The following STX19 variants were observed in gnomAD, a reference collection of about 807,000 sequenced individuals.
STX19 encodes the protein syntaxin 19, also known as syntaxin-19.
Under a neutral mutation model 24.3 loss-of-function variants are expected in STX19, and 26 were observed. The observed-to-expected ratio is 1.07, with a 90% CI of 0.78 to 1.48. STX19 has a LOEUF of 1.48. Among genes scored for constraint, STX19 ranks in the 40% most tolerant of loss-of-function variants. The pLI, the probability that STX19 is intolerant of heterozygous loss-of-function variation, is 0.00. For synonymous variants in STX19, 116 were observed against 106.9 expected (o/e 1.09, Z -0.52); for missense variants, 367 against 331.9 (o/e 1.11, Z -0.82).
At chr3:94,016,893 C>T (rs1378187274) in intron 1 of STX19, among the ~76,000 whole-genome samples, 3 of 152,164 alleles carry the variant, frequency 2.0e-5, no homozygotes, top group African/African-American at 7.2e-5. Flanking sequence ...GATCCGCCCA[C>T]CTTGGCCTCC....
At chr3:94,024,478 TACA>T (rs1454422202) in intron 1 of STX19, among the ~76,000 whole-genome samples, 2 of 152,254 alleles carry the variant, frequency 1.3e-5, no homozygotes, top group Non-Finnish European at 2.9e-5. Flanking sequence ...CCTCAAGAAC[TACA>T]ACATCTTGAA....
intron 1 of STX19, among the ~76,000 whole-genome samples, chr3:94,026,979 C>T (rs527744648): frequency 1.3e-5 from 2 of 152,146 alleles, no homozygotes; most frequent in Admixed American, 1.3e-4. Flanking sequence ...ATTACAGACA[C>T]TGAAAATCCC....
chr3:94,027,297 TA>T (rs1172169929), intron 1 of STX19, among the ~76,000 whole-genome samples: 1 of 151,354 alleles, frequency 6.6e-6, no homozygotes. Context: ...TTCTAAAAAC[TA>T]AAAAAAAATT....
intron 1 of STX19, among the ~76,000 whole-genome samples, chr3:94,026,303 T>C (rs1333288406): frequency 6.6e-6 from 1 of 152,228 alleles, no homozygotes; most frequent in Non-Finnish European, 1.5e-5. Context: ...AAACTTACGA[T>C]TACATCAAAT....
chr3:94,022,319 T>C (rs904870851), intron 1 of STX19, among the ~76,000 whole-genome samples: 7 of 152,020 alleles, frequency 4.6e-5, no homozygotes, highest in African/African-American at 1.7e-4. Context: ...AGAGATGGGG[T>C]TTTACCATGT....
chr3:94,020,441 C>T (rs984227923), intron 1 of STX19, among the ~76,000 whole-genome samples: 11 of 152,016 alleles, frequency 7.2e-5, no homozygotes, highest in African/African-American at 2.2e-4. Context: ...ACTCTTTATA[C>T]GACAGTATAG....
chr3:94,025,485 A>T (rs2076537536), intron 1 of STX19, among the ~76,000 whole-genome samples: 1 of 152,168 alleles, frequency 6.6e-6, no homozygotes, highest in Non-Finnish European at 1.5e-5. Context: ...CCTTTACATT[A>T]TTAGGTTATT....
chr3:94,025,714 C>T (rs2076542770), intron 1 of STX19, among the ~76,000 whole-genome samples: 1 of 152,086 alleles, frequency 6.6e-6, no homozygotes, highest in Admixed American at 6.5e-5. Context: ...CCCCTTGTAG[C>T]CCAGGTAGTA....
chr3:94,015,339 A>G (rs2076309163), intron 1 of STX19, 57 bp from the exon 2 acceptor site: 2 of 1,344,542 alleles, frequency 1.5e-6, no homozygotes, highest in Non-Finnish European at 2.0e-6. Flanking sequence ...TTTCCCCAGT[A>G]GCAGTTGACT....
intron 1 of STX19, among the ~76,000 whole-genome samples, chr3:94,026,581 A>G (rs2076562880): frequency 6.6e-6 from 1 of 152,224 alleles, no homozygotes; most frequent in African/African-American, 2.4e-5. Context: ...GTTAGGCAAA[A>G]TGAGACAAAT....
At chr3:94,017,260 A>G (rs1445951442) in intron 1 of STX19, among the ~76,000 whole-genome samples, 1 of 152,224 alleles carries the variant, frequency 6.6e-6, no homozygotes, top group Non-Finnish European at 1.5e-5. Flanking sequence ...AGGTCTGTGT[A>G]TGCAAGTGAG....
Position 94,014,746 on chromosome 3 carries a change from T to C in STX19, c.524A>G (p.Lys175Arg), listed in dbSNP as rs2076292218. Residue 175 changes from lysine (K) to arginine (R), a missense_variant, in exon 2 of 2, where the codon AAA becomes AGA. By Grantham distance (26) the Lys-to-Arg change is conservative. Transcript: ENST00000315099. ...ATTTACATCTTCTTCAGACATCTCT[T>C]TTCCAGCAACTTCAAGCTGACGTAA... ...FILRQLEVAG[K>R]EMSEEDVNDM... is the part of the protein sequence containing the mutation. 1 of 1,613,294 alleles carries C rather than the reference T, an allele frequency of 6.2e-7. No individual in the cohort carries two copies. The highest frequency in any genetic ancestry group is 1.1e-5 in the South Asian group (1 of 90,792).
rs771987718 is a variant in STX19, at chr3:94,014,366, A to T, written c.*19T>A. On this transcript the variant is annotated 3_prime_UTR_variant, in exon 2 of 2. Coordinates refer to ENST00000315099, the MANE Select transcript of STX19 (RefSeq NM_001001850.3). ...CTATCTTTTACCGTAAAGCTGGAAAAAGTTTTAAAATAGCTTCTTTATTTT... is the reference window on the plus strand; with the variant it reads ...CTATCTTTTACCGTAAAGCTGGAAATAGTTTTAAAATAGCTTCTTTATTTT... The T allele has an allele frequency of 2.6e-6, 4 of 1,509,526 alleles. No individual in the cohort carries two copies. In the African/African-American group the frequency reaches 5.6e-5, roughly 21 times the overall value. The allele number at this position is 1,509,526 out of a possible 1,614,324, so 93.5% of individuals were successfully genotyped here.
chr3:94,027,563 T>C (rs1421038402), intron 1 of STX19, among the ~76,000 whole-genome samples: 1 of 152,076 alleles, frequency 6.6e-6, no homozygotes, highest in African/African-American at 2.4e-5. Context: ...GTGTTCGAGG[T>C]ATTACGTGGC....
At chr3:94,017,303 G>GTGGGTGGAAATTACA (rs2076353963) in intron 1 of STX19, among the ~76,000 whole-genome samples, 1 of 152,198 alleles carries the variant, frequency 6.6e-6, no homozygotes, top group African/African-American at 2.4e-5. Context: ...CCAAAGGGCA[G>GTGGGTGGAAATTACA]TGGGTGGAAA....
chr3:94,023,004 G>T (rs2076481834), intron 1 of STX19, among the ~76,000 whole-genome samples: 1 of 151,370 alleles, frequency 6.6e-6, no homozygotes, highest in Non-Finnish European at 1.5e-5. Context: ...CTCCTTTCCT[G>T]GAAACTCTAA....
intron 1 of STX19, among the ~76,000 whole-genome samples, chr3:94,022,803 C>T (rs1249840627): frequency 6.6e-6 from 1 of 152,004 alleles, no homozygotes; most frequent in Non-Finnish European, 1.5e-5. Flanking sequence ...ATCCATGTAA[C>T]TACCACATAG....
intron 1 of STX19, among the ~76,000 whole-genome samples, chr3:94,023,438 A>G (rs1403652206): frequency 1.3e-5 from 2 of 152,014 alleles, no homozygotes; most frequent in Non-Finnish European, 2.9e-5. Flanking sequence ...TTTATTTGGT[A>G]AACATATAGT....
intron 1 of STX19, among the ~76,000 whole-genome samples, chr3:94,020,928 G>A (rs879047230): frequency 2.0e-5 from 3 of 151,838 alleles, no homozygotes; most frequent in African/African-American, 7.3e-5. Context: ...GATTCCATAC[G>A]CCTCTTCCTC....
Sources: gnomAD v4.1 joint callset for allele counts (sites outside exome capture counted in the v4.1 genomes callset) on GRCh38, gnomAD v4.1.1 for gene constraint, MANE v1.5 for transcripts, NCBI Gene and HGNC (gene_info 2026-07-23, HGNC 2026-07-21) for gene names.